Variants in GFPT2 observed in about 807,000 individuals in gnomAD.
The protein encoded by GFPT2 is glutamine--fructose-6-phosphate aminotransferase [isomerizing] 2.
Under a neutral mutation model 85.6 loss-of-function variants are expected in GFPT2, and 62 were observed. The observed-to-expected ratio is 0.72, with a 90% CI of 0.59 to 0.90. The LOEUF (loss-of-function observed/expected upper bound fraction) is 0.90. Ranked by LOEUF, GFPT2 falls within the 40% of genes least tolerant of loss-of-function variation. The pLI, the probability that GFPT2 is intolerant of heterozygous loss-of-function variation, is 0.00. For missense variants in GFPT2, 788 were observed against 893.4 expected (o/e 0.88, Z 1.50); for synonymous variants, 368 against 344.5 (o/e 1.07, Z -0.75).
At chr5:180,304,625 T>C in intron 17 of GFPT2, 147 bp downstream of exon 17, 1 of 740,526 alleles carries the variant, frequency 1.4e-6, no homozygotes, top group African/African-American at 1.7e-5. Flanking sequence ...GTGTGTGCAC[T>C]CCCCACAGGC....
intron 9 of GFPT2, among the ~76,000 whole-genome samples, chr5:180,319,349 T>C (rs1223391790): frequency 6.6e-6 from 1 of 152,214 alleles, no homozygotes; most frequent in African/African-American, 2.4e-5. Flanking sequence ...TTTCTTCAAA[T>C]CAGGATCCAA....
chr5:180,322,658 G>A (rs575886594), intron 9 of GFPT2, among the ~76,000 whole-genome samples: 1 of 152,212 alleles, frequency 6.6e-6, no homozygotes, highest in South Asian at 2.1e-4. Flanking sequence ...ACAGCCTTTT[G>A]GCTGGATTTA....
intron 2 of GFPT2, among the ~76,000 whole-genome samples, 198 bp downstream of exon 2, chr5:180,338,294 GT>G (rs1290082032): frequency 6.6e-6 from 1 of 152,004 alleles, no homozygotes; most frequent in Admixed American, 6.6e-5. Context: ...GTTTTCTGGG[GT>G]TTTTTACCCT....
Position 180,301,578 on chromosome 5 carries a change from C to T in GFPT2, c.2035G>A (p.Val679Ile). 1 of 1,613,596 alleles carries T rather than the reference C, an allele frequency of 6.2e-7. No individual in the cohort carries two copies. The highest frequency in any genetic ancestry group is 1.1e-5 in the South Asian group (1 of 91,066). The change falls in exon 19 of 19, where the codon GTA (valine) becomes ATA (isoleucine). Residue 679 changes from valine to isoleucine, a missense_variant. By Grantham distance (29) the Val-to-Ile change is conservative (BLOSUM62 3). Coordinates refer to ENST00000253778, the MANE Select transcript of GFPT2 (RefSeq NM_005110.4). ...CGGTCTCAGCCTCATTCCACAGTTA[C>T]AGACTTGGCCAGATTTCTGGGGAAG... ...VDFPRNLAKS[V>I]TVE is the part of the protein sequence containing the mutation.
At chr5:180,331,179 G>A (rs914283782) in intron 5 of GFPT2, among the ~76,000 whole-genome samples, 8 of 152,150 alleles carry the variant, frequency 5.3e-5, no homozygotes, top group South Asian at 2.1e-4. Flanking sequence ...CTGACTTTCC[G>A]TCCCAACTCC....
intron 4 of GFPT2, among the ~76,000 whole-genome samples, chr5:180,334,875 C>T (rs1262714261): frequency 2.0e-5 from 3 of 152,346 alleles, no homozygotes; most frequent in African/African-American, 4.8e-5. Context: ...GCAGGGGACC[C>T]GGCGCCCTGG....
intron 16 of GFPT2, among the ~76,000 whole-genome samples, chr5:180,306,182 A>C (rs1355752930): frequency 6.6e-6 from 1 of 151,696 alleles, no homozygotes; most frequent in Non-Finnish European, 1.5e-5. Flanking sequence ...ATGGGCTTTT[A>C]CCATGTTGTC....
At chr5:180,337,347 G>A (rs919910502) in intron 2 of GFPT2, among the ~76,000 whole-genome samples, 3 of 151,990 alleles carry the variant, frequency 2.0e-5, no homozygotes, top group Non-Finnish European at 4.4e-5. Flanking sequence ...CAGCTACTCG[G>A]GAGGCTGAGG....
Position 180,301,461 on chromosome 5 carries a change from G to T in GFPT2, c.*103C>A. The T allele has an allele frequency of 9.8e-7, 1 of 1,015,440 alleles. No individual in the cohort carries two copies. Among genetic ancestry groups the T allele is most frequent in the Non-Finnish European group, 1.6e-6 (1 of 639,344 alleles). The allele number at this position is 1,015,440 out of a possible 1,614,324, so 62.9% of individuals were successfully genotyped here. A position where few individuals can be genotyped will look rare whatever the true frequency, so the allele number is the denominator to read the frequency against. ...CTGTCAAGCTCTACAGGAGCACGCA[G>T]AACATGTGGGATGTCCACTTCTCTT... On this transcript the variant is annotated 3_prime_UTR_variant, in exon 19 of 19. Coordinates refer to ENST00000253778, the MANE Select transcript of GFPT2 (RefSeq NM_005110.4).
chr5:180,318,389 C>T lies in GFPT2; in HGVS notation c.958+404G>A, dbSNP rs2127650539. Among the ~76,000 whole-genome samples the T allele has an allele frequency of 6.6e-6, 1 of 152,242 alleles. No homozygotes were observed. Among genetic ancestry groups the T allele is most frequent in the East Asian group, 1.9e-4 (1 of 5,176 alleles). ...CTGTGGGGTAGAGGTTGTAAGGGGA[C>T]AGAAATGGGTGCAGACAGAGAGGCT... On this transcript the variant is annotated intron_variant, in intron 10 of 18. Transcript: ENST00000253778. This position sits in a 1 kb window ranked among gnomAD's most constrained non-coding sequence, Gnocchi z 4.2.
intron 14 of GFPT2, among the ~76,000 whole-genome samples, chr5:180,313,582 T>G (rs1215644186): frequency 4.7e-5 from 7 of 148,994 alleles, no homozygotes; most frequent in Admixed American, 4.0e-4. Flanking sequence ...AGAGTGAGAC[T>G]CCGTCTCAAA....
rs888491158 is a variant in GFPT2 at position 180,324,265 on chromosome 5, C to T, written c.717G>A (p.Met239Ile). The T allele has an allele frequency of 2.5e-6, 4 of 1,611,978 alleles. No homozygotes were observed. The African/African-American group carries it at 4.0e-5, about 16-fold the overall frequency. The change falls in exon 9 of 19, where the codon ATG becomes ATA. Residue 239 changes from methionine (M) to isoleucine (I), a missense_variant. By Grantham distance (10) the Met-to-Ile change is conservative. Transcript: ENST00000253778. ...GGCAGGCGGAGCTGTCCAGCCTCTTCATCCGTGTCTTACAGATATTCTTCA... is the reference window on the plus strand; with the variant it reads ...GGCAGGCGGAGCTGTCCAGCCTCTTTATCCGTGTCTTACAGATATTCTTCA... ...ENVKNICKTR[M>I]KRLDSSACLH...
rs188364350 is a variant in GFPT2, at chr5:180,340,453, G to A, written c.8-1853C>T. Among the ~76,000 whole-genome samples, 193 of 150,336 alleles carry A rather than the reference G, an allele frequency of 1.3e-3. 1 individual carries two copies. The Middle Eastern group carries it at 0.018, about 14-fold the overall frequency. ...ACTCCCGACCTCAGGTCATCCGCCC[G>A]CCTCGGCTTCCCAAAGTGCTGGGAT... On this transcript the variant is annotated intron_variant, in intron 1 of 18. Transcript: ENST00000253778.
intron 15 of GFPT2, among the ~76,000 whole-genome samples, chr5:180,309,333 T>G (rs1320178571): frequency 6.6e-6 from 1 of 152,226 alleles, no homozygotes; most frequent in Non-Finnish European, 1.5e-5. Flanking sequence ...TTTGAGAAAA[T>G]GTCTAACAAA....
At chr5:180,314,321 G>T (rs1763960681) in intron 13 of GFPT2, among the ~76,000 whole-genome samples, 1 of 152,150 alleles carries the variant, frequency 6.6e-6, no homozygotes, top group Non-Finnish European at 1.5e-5. Context: ...CTCTGCAACT[G>T]AATAAGCTGC....
At chr5:180,306,141 C>T (rs568669419) in intron 16 of GFPT2, among the ~76,000 whole-genome samples, 28 of 152,142 alleles carry the variant, frequency 1.8e-4, no homozygotes, top group African/African-American at 6.5e-4. Context: ...TGCACCACCA[C>T]GCCCAGCTAG....
chr5:180,330,415 G>A lies in GFPT2; in HGVS notation c.534+285C>T, dbSNP rs991940686. Among the ~76,000 whole-genome samples, 1 of 152,102 alleles carries A rather than the reference G, an allele frequency of 6.6e-6. No homozygotes were observed. Among genetic ancestry groups the A allele is most frequent in the Non-Finnish European group, 1.5e-5 (1 of 68,016 alleles). On this transcript the variant is annotated intron_variant, in intron 6 of 18. Transcript: ENST00000253778. This position sits in a 1 kb window ranked among gnomAD's most constrained non-coding sequence, Gnocchi z 4.4. ...TCACGTGTGCATCATAAAAAGCCAC[G>A]GACTCTAATGCCAGTCACAATTTCA...
intron 1 of GFPT2, among the ~76,000 whole-genome samples, chr5:180,348,489 G>A (rs537745770): frequency 8.5e-5 from 13 of 152,336 alleles, no homozygotes; most frequent in South Asian, 2.1e-4. Flanking sequence ...TGGAGGTGCC[G>A]CGGATGCATG....
At chr5:180,331,805 A>G (rs1764306079) in intron 4 of GFPT2, among the ~76,000 whole-genome samples, 1 of 152,178 alleles carries the variant, frequency 6.6e-6, no homozygotes, top group Admixed American at 6.5e-5. Flanking sequence ...TCCCTCTTTC[A>G]GTGACCAGCA....
Sources: gnomAD v4.1 joint callset for allele counts (sites outside exome capture counted in the v4.1 genomes callset) on GRCh38, gnomAD v4.1.1 for gene constraint, Gnocchi (gnomAD v3.1) non-coding constraint, MANE v1.5 for transcripts, NCBI Gene and HGNC (gene_info 2026-07-23, HGNC 2026-07-21) for gene names.